MYO1D: variants seen among roughly 807,000 people sequenced by gnomAD.
MYO1D encodes unconventional myosin-Id.
A neutral mutation model predicts 122.0 loss-of-function variants in MYO1D; 83 were observed. That is an observed-to-expected ratio of 0.68 (90% CI 0.57 to 0.82). The LOEUF is 0.82. MYO1D is among the 40% of genes least tolerant of loss of function. The pLI, the probability that MYO1D is intolerant of heterozygous loss-of-function variation, is 0.00. For synonymous variants in MYO1D, 464 were observed against 446.9 expected (o/e 1.04, Z -0.48); for missense variants, 1,157 against 1,269.5 (o/e 0.91, Z 1.35).
At chr17:32,800,776 T>C (rs1193617103) in intron 1 of MYO1D, among the ~76,000 whole-genome samples, 1 of 152,122 alleles carries the variant, frequency 6.6e-6, no homozygotes, top group Non-Finnish European at 1.5e-5. Context: ...GGCGTAATCA[T>C]AGTTCACTAT....
intron 20 of MYO1D, among the ~76,000 whole-genome samples, chr17:32,623,744 C>T (rs1192083754): frequency 6.6e-6 from 1 of 152,190 alleles, no homozygotes; most frequent in Non-Finnish European, 1.5e-5. Context: ...CAGAGATTTA[C>T]TCCTCACGGT....
chr17:32,600,862 T>C (rs912471184), intron 21 of MYO1D, among the ~76,000 whole-genome samples: 1 of 152,222 alleles, frequency 6.6e-6, no homozygotes, highest in Non-Finnish European at 1.5e-5. Flanking sequence ...ACAACTGGGC[T>C]GTTTAATTTA....
At chr17:32,841,743 TAGA>T (rs1176543303) in intron 1 of MYO1D, among the ~76,000 whole-genome samples, 1 of 151,740 alleles carries the variant, frequency 6.6e-6, no homozygotes, top group Non-Finnish European at 1.5e-5. Flanking sequence ...ATTAGCCTAA[TAGA>T]GGAGGATAAG....
chr17:32,628,876 ACTC>A (rs1324924625), intron 20 of MYO1D, among the ~76,000 whole-genome samples: 3 of 152,304 alleles, frequency 2.0e-5, no homozygotes, highest in Middle Eastern at 3.4e-3. Flanking sequence ...GAGCAATAGC[ACTC>A]CTATTTATTC....
intron 1 of MYO1D, among the ~76,000 whole-genome samples, chr17:32,794,798 T>TG (rs1442715427): frequency 2.6e-5 from 4 of 152,114 alleles, no homozygotes; most frequent in Non-Finnish European, 5.9e-5. Context: ...CTTGTGGACT[T>TG]TATCCAAGGG....
chr17:32,607,297 A>G (rs2087640821), intron 20 of MYO1D, among the ~76,000 whole-genome samples: 1 of 152,232 alleles, frequency 6.6e-6, no homozygotes, highest in Admixed American at 6.5e-5. Flanking sequence ...CGCATCTAGT[A>G]AGGTCAAAGG....
At chr17:32,657,113 C>A (rs1189166363) in intron 17 of MYO1D, among the ~76,000 whole-genome samples, 2 of 152,196 alleles carry the variant, frequency 1.3e-5, no homozygotes, top group East Asian at 3.8e-4. Flanking sequence ...AATCACCAGC[C>A]TCAATGACAT....
intron 1 of MYO1D, among the ~76,000 whole-genome samples, chr17:32,873,093 G>A (rs1039254581): frequency 6.6e-6 from 1 of 152,126 alleles, no homozygotes; most frequent in Non-Finnish European, 1.5e-5. Context: ...GAAAAAGAAG[G>A]CCAGATTAAT....
intron 1 of MYO1D, among the ~76,000 whole-genome samples, chr17:32,852,568 C>T (rs2090998619): frequency 6.6e-6 from 1 of 152,126 alleles, no homozygotes; most frequent in African/African-American, 2.4e-5. Context: ...TACTAATATG[C>T]TACTATGCTT....
chr17:32,667,563 C>T (rs1223503125), intron 16 of MYO1D, among the ~76,000 whole-genome samples: 2 of 152,090 alleles, frequency 1.3e-5, no homozygotes, highest in Non-Finnish European at 2.9e-5. Flanking sequence ...ATGTAAAAAT[C>T]ATTAAAATGA....
chr17:32,700,689 ATCCCAGCATT>A (rs1053825339), intron 16 of MYO1D, among the ~76,000 whole-genome samples: 9 of 152,194 alleles, frequency 5.9e-5, no homozygotes, highest in Non-Finnish European at 1.2e-4. Context: ...TACACCTGTA[ATCCCAGCATT>A]TTGGGAGGCC....
At chr17:32,631,156 A>G (rs1300297751) in intron 20 of MYO1D, among the ~76,000 whole-genome samples, 2 of 152,236 alleles carry the variant, frequency 1.3e-5, no homozygotes, top group Non-Finnish European at 2.9e-5. Flanking sequence ...TTATACCTCA[A>G]GAAAGCTATT....
chr17:32,695,329 A>G (rs777934985), intron 16 of MYO1D, among the ~76,000 whole-genome samples: 27 of 152,320 alleles, frequency 1.8e-4, no homozygotes, highest in Middle Eastern at 6.8e-3. Context: ...CTCAGGTGGT[A>G]ATGTTTGCTC....
At chr17:32,513,580 C>A (rs1909773028) in intron 21 of MYO1D, among the ~76,000 whole-genome samples, 1 of 152,206 alleles carries the variant, frequency 6.6e-6, no homozygotes, top group South Asian at 2.1e-4. Context: ...TGTAATCCAG[C>A]AAGGTAGATC....
At position 32,842,545 on chromosome 17, in the gene MYO1D, C is replaced by A. The variant is rs191940428; in HGVS notation, c.95+34233G>T. ...TCGCTCTCTTTCTCTTTCTCTCCCCCACTCCTCATCTGTTCCTATAAAATG... is the reference window on the plus strand; with the variant it reads ...TCGCTCTCTTTCTCTTTCTCTCCCCAACTCCTCATCTGTTCCTATAAAATG... On this transcript the variant is annotated intron_variant, in intron 1 of 21. Coordinates refer to ENST00000318217, the MANE Select transcript of MYO1D (RefSeq NM_015194.3). Among the ~76,000 whole-genome samples the A allele has an allele frequency of 3.2e-4, 48 of 152,234 alleles. 1 individual carries two copies. The highest frequency in any genetic ancestry group is 6.8e-3 in the Middle Eastern group (2 of 294).
At chr17:32,589,511 C>T (rs1241954380) in intron 21 of MYO1D, among the ~76,000 whole-genome samples, 3 of 152,288 alleles carry the variant, frequency 2.0e-5, no homozygotes, top group Admixed American at 6.5e-5. Context: ...TGGTGCCTCT[C>T]GTCGGACCAT....
At chr17:32,707,681 C>T (rs956944997) in intron 16 of MYO1D, among the ~76,000 whole-genome samples, 4 of 152,180 alleles carry the variant, frequency 2.6e-5, no homozygotes, top group Admixed American at 2.0e-4. Flanking sequence ...TACGTTGATA[C>T]AAAACTTTCC....
intron 15 of MYO1D, among the ~76,000 whole-genome samples, chr17:32,719,507 C>T (rs1339302167): frequency 4.6e-5 from 7 of 151,894 alleles, no homozygotes; most frequent in South Asian, 2.1e-4. Flanking sequence ...CCCGCCACCA[C>T]GCCCGGCTAA....
chr17:32,789,081 T>C (rs1421916950), intron 1 of MYO1D, among the ~76,000 whole-genome samples: 1 of 152,218 alleles, frequency 6.6e-6, no homozygotes, highest in African/African-American at 2.4e-5. Flanking sequence ...TGTCAGTATA[T>C]AGCAGTGCTG....
Sources: allele counts gnomAD v4.1 joint callset (sites outside exome capture counted in the v4.1 genomes callset), GRCh38; gene constraint gnomAD v4.1.1; transcripts MANE v1.5; gene names NCBI Gene and HGNC (gene_info 2026-07-23, HGNC 2026-07-21).